The following SLC1A2 variants were observed in gnomAD, a reference collection of about 807,000 sequenced individuals.
The protein encoded by SLC1A2 is solute carrier family 1 member 2, also known as excitatory amino acid transporter 2.
SLC1A2 carries 15 observed loss-of-function variants against 48.8 expected under a neutral mutation model. The ratio of observed to expected loss-of-function variants is 0.31; its 90% CI spans 0.21 to 0.47. SLC1A2 has a LOEUF of 0.47. SLC1A2 is among the 20% of genes least tolerant of loss of function. The pLI is 0.99. For missense variants in SLC1A2, 502 were observed against 730.5 expected (o/e 0.69, Z 3.61); for synonymous variants, 279 against 272.6 (o/e 1.02, Z -0.23).
At chr11:35,348,190 G>C (rs913510905) in intron 1 of SLC1A2, among the ~76,000 whole-genome samples, 2 of 152,082 alleles carry the variant, frequency 1.3e-5, no homozygotes, top group African/African-American at 2.4e-5. Flanking sequence ...GAACAGGCCT[G>C]TCAACTGGTG....
In SLC1A2 at chr11:35,356,652, T is replaced by A. The variant is rs145962620; in HGVS notation, c.18-39136A>T. 1.9e-3 allele frequency among the ~76,000 whole-genome samples: 295 copies of A among 152,364 alleles called. 1 individual carries two copies. The highest frequency in any genetic ancestry group is 6.3e-3 in the African/African-American group (261 of 41,592). On this transcript the variant is annotated intron_variant, in intron 1 of 10. Transcript: ENST00000278379. Reference sequence around the variant, plus strand: ...CTTCTGAGGGTCTAGAATATTCCTTTGCTCTTGTCGTTTACGCTTGTCTTG... The same window carrying A: ...CTTCTGAGGGTCTAGAATATTCCTTAGCTCTTGTCGTTTACGCTTGTCTTG...
At chr11:35,319,982 C>T (rs1852005194) in intron 1 of SLC1A2, among the ~76,000 whole-genome samples, 1 of 152,074 alleles carries the variant, frequency 6.6e-6, no homozygotes, top group African/African-American at 2.4e-5. Context: ...ACACAGAGTC[C>T]CCCAAGAACT....
intron 9 of SLC1A2, among the ~76,000 whole-genome samples, chr11:35,279,224 G>T (rs1188545318): frequency 6.6e-6 from 1 of 152,218 alleles, no homozygotes; most frequent in East Asian, 1.9e-4. Flanking sequence ...TGCTGGACAG[G>T]AGGCATCAGA....
At chr11:35,291,082 C>A (rs1850986802) in intron 7 of SLC1A2, among the ~76,000 whole-genome samples, 1 of 152,172 alleles carries the variant, frequency 6.6e-6, no homozygotes. Flanking sequence ...ACAGGTTCTG[C>A]AACAAGGACC....
At chr11:35,353,473 GACTGT>G (rs1853340151) in intron 1 of SLC1A2, among the ~76,000 whole-genome samples, 1 of 152,166 alleles carries the variant, frequency 6.6e-6, no homozygotes, top group African/African-American at 2.4e-5. Flanking sequence ...TCCCCCACTA[GACTGT>G]ACCCTTCTTG....
At chr11:35,276,566 C>CA (rs1850447919) in intron 9 of SLC1A2, among the ~76,000 whole-genome samples, 1 of 152,144 alleles carries the variant, frequency 6.6e-6, no homozygotes, top group East Asian at 1.9e-4. Context: ...ATGGGGTGAT[C>CA]TGGGAGGGCC....
intron 4 of SLC1A2, among the ~76,000 whole-genome samples, chr11:35,306,486 C>G (rs767626243): frequency 6.6e-6 from 1 of 152,088 alleles, no homozygotes; most frequent in Non-Finnish European, 1.5e-5. Flanking sequence ...TTTATTTGTG[C>G]AAATTTATGG....
At chr11:35,387,335 G>A (rs578212378) in intron 1 of SLC1A2, among the ~76,000 whole-genome samples, 5 of 152,262 alleles carry the variant, frequency 3.3e-5, no homozygotes, top group South Asian at 2.1e-4. Context: ...TGCCAGAAAC[G>A]TGGGGTCTCT....
chr11:35,353,777 T>G (rs968316162), intron 1 of SLC1A2, among the ~76,000 whole-genome samples: 2 of 152,232 alleles, frequency 1.3e-5, no homozygotes, highest in African/African-American at 4.8e-5. Flanking sequence ...TGTTAAATAG[T>G]ATTTAGGCAT....
chr11:35,292,961 T>TA (rs1332019880), intron 6 of SLC1A2, among the ~76,000 whole-genome samples: 1 of 146,430 alleles, frequency 6.8e-6, no homozygotes, highest in Non-Finnish European at 1.5e-5. Context: ...CCTAGGAAGA[T>TA]AGGGAATATA....
At chr11:35,341,247 G>A (rs974860938) in intron 1 of SLC1A2, among the ~76,000 whole-genome samples, 3 of 152,084 alleles carry the variant, frequency 2.0e-5, no homozygotes, top group Non-Finnish European at 4.4e-5. Flanking sequence ...GGGAGAAGTG[G>A]GGGTAACGAG....
chr11:35,356,707 C>A (rs1487158344), intron 1 of SLC1A2, among the ~76,000 whole-genome samples: 1 of 152,028 alleles, frequency 6.6e-6, no homozygotes, highest in Non-Finnish European at 1.5e-5. Flanking sequence ...ATGGCATTGA[C>A]AAATGTAAAA....
chr11:35,332,393 T>C (rs957615053), intron 1 of SLC1A2, among the ~76,000 whole-genome samples: 2 of 152,232 alleles, frequency 1.3e-5, no homozygotes, highest in African/African-American at 4.8e-5. Flanking sequence ...CTCAAATTTA[T>C]GCTGAGGATA....
At position 35,286,789 on chromosome 11, in the gene SLC1A2, A is replaced by T. The variant is rs1850835241; in HGVS notation, c.1254T>A (p.Val418=). Reference sequence around the variant, plus strand: ...TCACAATCTGTCCTCCATCCAGGACAACACCATTCATTTGGGCTATAAAGA... The same window carrying T: ...TCACAATCTGTCCTCCATCCAGGACTACACCATTCATTTGGGCTATAAAGA... ...AAIFIAQMNG[V]VLDGGQIVTV... is the part of the protein sequence containing the mutation. The change falls in exon 8 of 11, where the codon GTT becomes GTA. Residue 418 remains valine, a synonymous_variant. Coordinates refer to ENST00000278379, the MANE Select transcript of SLC1A2 (RefSeq NM_004171.4). 6.2e-7 allele frequency: 1 copy of T among 1,613,624 alleles called. No homozygotes were observed. Among genetic ancestry groups the T allele is most frequent in the South Asian group, 1.1e-5 (1 of 91,064 alleles).
chr11:35,257,756 G>A lies in SLC1A2; in HGVS notation c.*3138C>T, dbSNP rs369123414. Reference sequence around the variant, plus strand: ...AAGTCTACTTAGTTGGTTTTCTCCTGAAATGATTCTGATTCCTAAAAAACA... The same window carrying A: ...AAGTCTACTTAGTTGGTTTTCTCCTAAAATGATTCTGATTCCTAAAAAACA... On this transcript the variant is annotated 3_prime_UTR_variant, in exon 11 of 11. Transcript: ENST00000278379. The A allele has an allele frequency of 2.6e-5, 4 of 152,290 alleles. No homozygotes were observed. Among genetic ancestry groups the A allele is most frequent in the Admixed American group, 1.3e-4 (2 of 15,302 alleles). The allele number at this position is 152,290 out of a possible 1,614,324, so 9.4% of individuals were successfully genotyped here.
At chr11:35,303,840 G>T (rs995884656) in intron 5 of SLC1A2, among the ~76,000 whole-genome samples, 13 of 152,074 alleles carry the variant, frequency 8.5e-5, no homozygotes, top group Non-Finnish European at 1.8e-4. Context: ...AGCTGGGGTT[G>T]TATCTTCACT....
chr11:35,301,456 A>G, intron 6 of SLC1A2, 63 bp downstream of exon 6: 2 of 1,545,708 alleles, frequency 1.3e-6, no homozygotes, highest in Non-Finnish European at 1.8e-6. Context: ...GAGCTCCAGT[A>G]TCCTCTGGGG....
chr11:35,401,121 G>C (rs1855126628), intron 1 of SLC1A2, among the ~76,000 whole-genome samples: 1 of 152,178 alleles, frequency 6.6e-6, no homozygotes, highest in Admixed American at 6.5e-5. Flanking sequence ...TTAAGATAAG[G>C]GGTTGTGGGG....
intron 1 of SLC1A2, among the ~76,000 whole-genome samples, chr11:35,327,986 A>G (rs146367004): frequency 6.6e-6 from 1 of 152,330 alleles, no homozygotes; most frequent in African/African-American, 2.4e-5. Context: ...CTAGGTAGCT[A>G]CTTATGAGAC....
Sources: gnomAD v4.1 joint callset for allele counts (sites outside exome capture counted in the v4.1 genomes callset) on GRCh38, gnomAD v4.1.1 for gene constraint, MANE v1.5 for transcripts, NCBI Gene and HGNC (gene_info 2026-07-23, HGNC 2026-07-21) for gene names.